The following WWOX variants were observed in gnomAD, a reference collection of about 807,000 sequenced individuals.
WWOX encodes the protein WW domain-containing oxidoreductase.
WWOX carries 69 observed loss-of-function variants against 46.2 expected under a neutral mutation model. That is an observed-to-expected ratio of 1.49 (90% confidence interval 1.23 to 1.82). WWOX has a LOEUF of 1.82. WWOX is among the 40% of genes most tolerant of loss of function. The pLI is 0.00. For synonymous variants in WWOX, 359 were observed against 202.6 expected, an observed-to-expected ratio of 1.77 and a Z score of -6.56; for missense variants, 919 against 542.6, an observed-to-expected ratio of 1.69 and a Z score of -6.89.
chr16:78,323,110 T>TTTTG (rs767610087), intron 5 of WWOX, among the ~76,000 whole-genome samples: 5 of 152,120 alleles, frequency 3.3e-5, no homozygotes, highest in African/African-American at 7.2e-5. Context: ...TTGTATTTTT[T>TTTTG]TTTGTTTGTT....
At chr16:78,600,248 C>G (rs544966079) in intron 8 of WWOX, among the ~76,000 whole-genome samples, 1 of 151,894 alleles carries the variant, frequency 6.6e-6, no homozygotes, top group Middle Eastern at 3.2e-3. Flanking sequence ...AGCGACAGTT[C>G]AAGATGAGAT....
intron 8 of WWOX, among the ~76,000 whole-genome samples, chr16:78,821,976 A>T (rs778966751): frequency 1.1e-4 from 17 of 152,154 alleles, no homozygotes; most frequent in Non-Finnish European, 2.1e-4. Flanking sequence ...TACCAGGCTC[A>T]AGCGATCCTT....
chr16:78,542,218 A>C (rs575971045), intron 8 of WWOX, among the ~76,000 whole-genome samples: 3 of 151,970 alleles, frequency 2.0e-5, no homozygotes, highest in Admixed American at 6.6e-5. Flanking sequence ...CTCCGTAAAC[A>C]CTGCCGGATG....
At chr16:78,273,964 A>C (rs752188593) in intron 5 of WWOX, among the ~76,000 whole-genome samples, 1 of 152,232 alleles carries the variant, frequency 6.6e-6, no homozygotes, top group Non-Finnish European at 1.5e-5. Flanking sequence ...GACATTGACC[A>C]GACACAATTA....
At chr16:79,090,322 A>G (rs1224722218) in intron 8 of WWOX, among the ~76,000 whole-genome samples, 7 of 132,476 alleles carry the variant, frequency 5.3e-5, no homozygotes, top group Admixed American at 1.5e-4. Flanking sequence ...TGTGTGTGAT[A>G]TAATGTGTTG....
intron 8 of WWOX, among the ~76,000 whole-genome samples, chr16:78,939,010 A>C (rs1244671044): frequency 6.6e-6 from 1 of 152,186 alleles, no homozygotes; most frequent in African/African-American, 2.4e-5. Context: ...GTGGATGGAA[A>C]GGTTTTGTGG....
At chr16:78,864,121 G>C (rs2043951151) in intron 8 of WWOX, among the ~76,000 whole-genome samples, 1 of 152,158 alleles carries the variant, frequency 6.6e-6, no homozygotes, top group Non-Finnish European at 1.5e-5. Flanking sequence ...TTTATATCAA[G>C]CCAAACTACC....
intron 5 of WWOX, among the ~76,000 whole-genome samples, chr16:78,307,411 A>C (rs1334989176): frequency 6.6e-6 from 1 of 152,182 alleles, no homozygotes; most frequent in East Asian, 1.9e-4. Flanking sequence ...CCTAAGTACA[A>C]TTATAAGTGT....
At chr16:79,193,441 A>T (rs570917196) in intron 8 of WWOX, among the ~76,000 whole-genome samples, 1 of 152,194 alleles carries the variant, frequency 6.6e-6, no homozygotes, top group South Asian at 2.1e-4. Context: ...GGCTGGAGGA[A>T]AAAGAGCTTT....
chr16:78,162,682 A>G (rs989471266), intron 4 of WWOX, among the ~76,000 whole-genome samples: 2 of 151,986 alleles, frequency 1.3e-5, no homozygotes, highest in Admixed American at 6.6e-5. Context: ...GTCTTTAAAT[A>G]TTGCTTTTCT....
chr16:78,627,983 C>T (rs1258201514), intron 8 of WWOX, among the ~76,000 whole-genome samples: 2 of 152,200 alleles, frequency 1.3e-5, no homozygotes, highest in Non-Finnish European at 2.9e-5. Context: ...GGCATTTGTC[C>T]TTGGGAGAGT....
chr16:78,165,193 C>T (rs923855833), intron 5 of WWOX, among the ~76,000 whole-genome samples: 36 of 152,188 alleles, frequency 2.4e-4, no homozygotes, highest in African/African-American at 7.7e-4. Context: ...GAGAGTGATG[C>T]GAGCTGTTTG....
At chr16:78,414,048 C>T (rs888141485) in intron 6 of WWOX, among the ~76,000 whole-genome samples, 1 of 151,882 alleles carries the variant, frequency 6.6e-6, no homozygotes, top group Non-Finnish European at 1.5e-5. Flanking sequence ...TTGTTCCTGC[C>T]CCACCCTAAC....
At chr16:79,179,730 A>G (rs2050872380) in intron 8 of WWOX, among the ~76,000 whole-genome samples, 1 of 152,208 alleles carries the variant, frequency 6.6e-6, no homozygotes, top group South Asian at 2.1e-4. Flanking sequence ...CAGTGAATCC[A>G]GTAGATGTTT....
chr16:79,007,326 T>C (rs372449647), intron 8 of WWOX, among the ~76,000 whole-genome samples: 1 of 152,062 alleles, frequency 6.6e-6, no homozygotes, highest in African/African-American at 2.4e-5. Context: ...CTCTAAAACA[T>C]GAGGAAAGGG....
At chr16:78,292,870 C>A (rs73574517) in intron 5 of WWOX, among the ~76,000 whole-genome samples, 2,568 of 152,216 alleles carry the variant, frequency 0.017, 91 homozygotes, top group African/African-American at 0.059. Context: ...GGTGAGGATT[C>A]CAAATCAGAA....
At chr16:78,323,158 A>T (rs578219642) in intron 5 of WWOX, among the ~76,000 whole-genome samples, 4 of 152,180 alleles carry the variant, frequency 2.6e-5, no homozygotes, top group Non-Finnish European at 5.9e-5. Flanking sequence ...CCCAGGCTGG[A>T]GTACAGTGGC....
At chr16:78,394,707 C>G (rs546819577) in intron 6 of WWOX, among the ~76,000 whole-genome samples, 21 of 152,276 alleles carry the variant, frequency 1.4e-4, no homozygotes, top group African/African-American at 5.1e-4. Context: ...GCCGTGGTAG[C>G]CTGAAAGCAG....
At chr16:78,779,431 C>T (rs539310539) in intron 8 of WWOX, among the ~76,000 whole-genome samples, 9 of 152,272 alleles carry the variant, frequency 5.9e-5, no homozygotes, top group South Asian at 2.1e-4. Flanking sequence ...CCACCGTGTC[C>T]GGCCCCCCTT....
Sources: gnomAD v4.1 joint callset for allele counts (sites outside exome capture counted in the v4.1 genomes callset) on GRCh38, gnomAD v4.1.1 for gene constraint, MANE v1.5 for transcripts, NCBI Gene and HGNC (gene_info 2026-07-23, HGNC 2026-07-21) for gene names.